NSD2: variants seen among roughly 807,000 people sequenced by gnomAD.
NSD2 encodes histone-lysine N-methyltransferase NSD2.
A neutral mutation model predicts 139.0 loss-of-function variants in NSD2; 12 were observed. The observed-to-expected ratio is 0.09, with a 90% CI of 0.06 to 0.14. The LOEUF (loss-of-function observed/expected upper bound fraction) is 0.14. Among genes scored for constraint, NSD2 ranks in the 10% least tolerant of loss-of-function variants. The pLI, the probability that NSD2 is intolerant of heterozygous loss-of-function variation, is 1.00. For missense variants in NSD2, 1,155 were observed against 1,745.0 expected (o/e 0.66, Z 6.02); for synonymous variants, 669 against 648.7 (o/e 1.03, Z -0.48).
At position 1,955,117 on chromosome 4, in the gene NSD2, G is replaced by C. The variant is rs778974845; in HGVS notation, c.2339-44G>C. 2 of 1,556,826 alleles carry C rather than the reference G, an allele frequency of 1.3e-6. No homozygotes were observed. The highest frequency in any genetic ancestry group is 4.6e-5 in the East Asian group (2 of 43,784). On this transcript the variant is annotated intron_variant, in intron 12 of 21. Coordinates refer to ENST00000508803, the MANE Select transcript of NSD2 (RefSeq NM_001042424.3). The surrounding 1 kb of genome is among the most constrained non-coding windows in gnomAD (Gnocchi z 4.7). ...TTAGTTGCTCTTTTCACTATGACTG[G>C]AGTCAGTGTTTGGGGTCCTTAGGGT...
At chr4:1,872,201 G>A (rs1387396062) in intron 1 of NSD2, among the ~76,000 whole-genome samples, 1 of 152,134 alleles carries the variant, frequency 6.6e-6, no homozygotes, top group African/African-American at 2.4e-5. Context: ...GGAGGCGGGG[G>A]TGAGCCGGGT....
At chr4:1,938,622 G>A in intron 8 of NSD2, 90 bp downstream of exon 8, 1 of 1,159,788 alleles carries the variant, frequency 8.6e-7, no homozygotes, top group Non-Finnish European at 1.3e-6. Flanking sequence ...GGGAAGGCTG[G>A]GGCTGGTGAA....
At chr4:1,908,819 G>T (rs1178286989) in intron 3 of NSD2, among the ~76,000 whole-genome samples, 1 of 152,038 alleles carries the variant, frequency 6.6e-6, no homozygotes, top group East Asian at 1.9e-4. Context: ...CTGTTGCTCT[G>T]TCCAGGCTAG....
At chr4:1,883,282 G>T (rs148459472) in intron 1 of NSD2, among the ~76,000 whole-genome samples, 1 of 152,112 alleles carries the variant, frequency 6.6e-6, no homozygotes, top group Admixed American at 6.6e-5. Context: ...CTTAGCTCAA[G>T]TAACAGTTTC....
intron 1 of NSD2, among the ~76,000 whole-genome samples, chr4:1,888,410 CAAAAAAA>C (rs61397233): frequency 7.5e-4 from 40 of 53,234 alleles, no homozygotes; most frequent in African/African-American, 2.9e-3. Flanking sequence ...GAGATTGCCT[CAAAAAAA>C]AAAAAAAAAA....
intron 9 of NSD2, chr4:1,943,600 G>T: frequency 1.9e-6 from 2 of 1,049,636 alleles, no homozygotes; most frequent in South Asian, 9.2e-5. Flanking sequence ...CTGAGGGCTG[G>T]TTGGGTTCCT....
chr4:1,930,044 G>T (rs957691537), intron 5 of NSD2, among the ~76,000 whole-genome samples: 6 of 152,170 alleles, frequency 3.9e-5, no homozygotes, highest in African/African-American at 1.2e-4. Context: ...GCATGCTCCG[G>T]GTGCTGATGC....
intron 7 of NSD2, among the ~76,000 whole-genome samples, chr4:1,937,053 T>A (rs62287052): frequency 6.6e-6 from 1 of 151,730 alleles, no homozygotes; most frequent in Non-Finnish European, 1.5e-5. Context: ...TCTGGTCACC[T>A]AATTTTTTTT....
In NSD2 at chr4:1,965,051, CA is replaced by C. The variant is rs555374240; in HGVS notation, c.3372+3924del. Among the ~76,000 whole-genome samples, 454 of 47,112 alleles carry C rather than the reference CA, an allele frequency of 9.6e-3. 1 individual carries two copies. Among genetic ancestry groups the C allele is most frequent in the Middle Eastern group, 0.031 (1 of 32 alleles). The allele number at this position is 47,112 out of a possible 152,430, so 30.9% of individuals were successfully genotyped here. ...TAGACTTAACATGTCCAGTGTTCAG[CA>C]AAAAAAAAAAAAAAAAAAAAAAAGC... is the stretch of plus-strand genomic sequence containing the variant. On this transcript the variant is annotated intron_variant, in intron 18 of 21. Transcript: ENST00000508803.
chr4:1,917,613 T>G (rs1005011457), intron 4 of NSD2, among the ~76,000 whole-genome samples: 1 of 151,914 alleles, frequency 6.6e-6, no homozygotes, highest in Non-Finnish European at 1.5e-5. Flanking sequence ...ATTTTTGTAT[T>G]TTTAGTGGAG....
At chr4:1,944,003 A>G (rs1376083596) in intron 9 of NSD2, 3 of 1,065,514 alleles carry the variant, frequency 2.8e-6, no homozygotes, top group Non-Finnish European at 2.3e-6. Context: ...ATGGTGTCCA[A>G]AGAGCAGCAT....
chr4:1,913,862 C>A (rs1423385185), intron 3 of NSD2, among the ~76,000 whole-genome samples: 1 of 152,136 alleles, frequency 6.6e-6, no homozygotes, highest in African/African-American at 2.4e-5. Flanking sequence ...TCTCTCGTCT[C>A]CACACACGAG....
At chr4:1,898,100 C>T (rs1716610081) in intron 1 of NSD2, among the ~76,000 whole-genome samples, 1 of 151,886 alleles carries the variant, frequency 6.6e-6, no homozygotes, top group Non-Finnish European at 1.5e-5. Flanking sequence ...TTTTTTTCCC[C>T]CTTCTTTTTA....
rs749245568 is a variant in NSD2 at position 1,904,266 on chromosome 4, C to T, written c.648C>T (p.His216=). 37 of 1,614,038 alleles carry T rather than the reference C, an allele frequency of 2.3e-5. No individual in the cohort carries two copies. The highest frequency in any genetic ancestry group is 2.4e-5 in the Non-Finnish European group (28 of 1,180,016). The change falls in exon 3 of 22, where the codon CAC becomes CAT. Residue 216 remains histidine (H), a synonymous_variant. Transcript: ENST00000508803. ...CAAACACTGGAAGAGACAAAGACCA[C>T]CTGTTGAAATACAACGTTGGTGATT... ...SCPNTGRDKD[H]LLKYNVGDLV...
chr4:1,872,631 A>AGAGAGAGC (rs984225040), intron 1 of NSD2, among the ~76,000 whole-genome samples: 2 of 133,310 alleles, frequency 1.5e-5, no homozygotes, highest in African/African-American at 5.5e-5. Flanking sequence ...AGAGAGAGAG[A>AGAGAGAGC]GAGAGCGCGC....
chr4:1,875,127 A>G (rs1177626211), intron 1 of NSD2, among the ~76,000 whole-genome samples: 1 of 151,740 alleles, frequency 6.6e-6, no homozygotes, highest in African/African-American at 2.4e-5. Context: ...ATGCTTGGCT[A>G]ATTTTAAAAT....
chr4:1,975,140 A>G (rs1560811304), intron 19 of NSD2, 136 bp downstream of exon 19: 6 of 1,470,944 alleles, frequency 4.1e-6, no homozygotes, highest in Non-Finnish European at 4.6e-6. Flanking sequence ...TGGTTTGAAT[A>G]TCTCTTTTAC....
At chr4:1,911,587 C>CAAAAAAAAAAAAAAAAAAAA (rs372660600) in intron 3 of NSD2, among the ~76,000 whole-genome samples, 102 of 41,646 alleles carry the variant, frequency 2.4e-3, no homozygotes, top group East Asian at 3.3e-3. Flanking sequence ...GACGCCATCT[C>CAAAAAAAAAAAAAAAAAAAA]AAAAAAAAAA....
intron 5 of NSD2, among the ~76,000 whole-genome samples, chr4:1,929,967 G>A (rs995624397): frequency 6.6e-6 from 1 of 152,162 alleles, no homozygotes; most frequent in African/African-American, 2.4e-5. Flanking sequence ...GATCATCCTA[G>A]AGACCTTGTG....
Sources: allele counts gnomAD v4.1 joint callset (sites outside exome capture counted in the v4.1 genomes callset), GRCh38; gene constraint gnomAD v4.1.1; non-coding constraint Gnocchi (gnomAD v3.1); transcripts MANE v1.5; gene names NCBI Gene and HGNC (gene_info 2026-07-23, HGNC 2026-07-21).